FREM1: variants seen among roughly 807,000 people sequenced by gnomAD.
The protein encoded by FREM1 is FRAS1 related extracellular matrix 1.
FREM1 carries 220 observed loss-of-function variants against 210.1 expected under a neutral mutation model. The observed-to-expected ratio is 1.05, with a 90% confidence interval of 0.94 to 1.17. FREM1 has a LOEUF of 1.17. Among genes scored for constraint, FREM1 ranks in the 50% most tolerant of loss-of-function variants. The pLI, the probability that FREM1 is intolerant of heterozygous loss-of-function variation, is 0.00. For missense variants in FREM1, 3,454 were observed against 2,675.5 expected (o/e 1.29, Z -6.42); for synonymous variants, 1,189 against 980.2 (o/e 1.21, Z -3.98).
intron 36 of FREM1, among the ~76,000 whole-genome samples, chr9:14,739,482 T>TATATATATAAAATTC (rs1841094364): frequency 9.0e-6 from 1 of 111,200 alleles, no homozygotes; most frequent in African/African-American, 3.2e-5. Context: ...ATATAATTCA[T>TATATATATAAAATTC]ATATATATAT....
intron 15 of FREM1, among the ~76,000 whole-genome samples, chr9:14,816,070 C>G (rs374367620): frequency 6.6e-6 from 1 of 152,160 alleles, no homozygotes; most frequent in Non-Finnish European, 1.5e-5. Flanking sequence ...ATATACATGG[C>G]TTTATCTGTA....
intron 1 of FREM1, among the ~76,000 whole-genome samples, chr9:14,891,820 G>C (rs1254770306): frequency 6.6e-6 from 1 of 152,162 alleles, no homozygotes; most frequent in African/African-American, 2.4e-5. Flanking sequence ...CAGAAGCAAG[G>C]AGTTTTTGTG....
At chr9:14,816,480 A>C (rs11792010) in intron 15 of FREM1, among the ~76,000 whole-genome samples, 5 of 151,858 alleles carry the variant, frequency 3.3e-5, no homozygotes, top group Non-Finnish European at 7.4e-5. Flanking sequence ...CAGTGTTGGG[A>C]GGTGGGAGGT....
At chr9:14,795,785 A>G (rs1194909583) in intron 21 of FREM1, among the ~76,000 whole-genome samples, 4 of 152,190 alleles carry the variant, frequency 2.6e-5, no homozygotes, top group Admixed American at 6.5e-5. Flanking sequence ...TGAGGATTTA[A>G]TGAAATAATA....
At chr9:14,743,332 T>A (rs1404185453) in intron 35 of FREM1, among the ~76,000 whole-genome samples, 1 of 152,020 alleles carries the variant, frequency 6.6e-6, no homozygotes, top group African/African-American at 2.4e-5. Context: ...TATTAATAGA[T>A]GGAACAATAA....
At chr9:14,784,774 T>A (rs1014278364) in intron 23 of FREM1, 140 bp from the exon 24 acceptor site, 6 of 491,492 alleles carry the variant, frequency 1.2e-5, no homozygotes, top group African/African-American at 1.2e-4. Flanking sequence ...CTATTATGAA[T>A]AAAAATAATT....
intron 1 of FREM1, among the ~76,000 whole-genome samples, chr9:14,903,024 C>T (rs1287499989): frequency 6.6e-6 from 1 of 152,218 alleles, no homozygotes; most frequent in Non-Finnish European, 1.5e-5. Context: ...AACTCCTATT[C>T]TTCTCTCACT....
intron 15 of FREM1, among the ~76,000 whole-genome samples, chr9:14,814,441 T>A (rs1380070957): frequency 6.6e-6 from 1 of 152,196 alleles, no homozygotes; most frequent in Non-Finnish European, 1.5e-5. Flanking sequence ...ACTATGTATA[T>A]GTGTCCTGAC....
At position 14,861,056 on chromosome 9, in the gene FREM1, TATATACAC is replaced by T. The variant is rs1293670914; in HGVS notation, c.330-1580_330-1573del. Among the ~76,000 whole-genome samples the T allele has an allele frequency of 2.1e-4, 15 of 71,408 alleles. 2 individuals carry two copies. The highest frequency in any genetic ancestry group is 1.1e-3 in the African/African-American group (14 of 12,604). The allele number at this position is 71,408 out of a possible 152,430, so 46.8% of individuals were successfully genotyped here. ...ATATATACATATATACATATATACATATATACACATATACATATATACATATATACACA... is the reference window on the plus strand; with the variant it reads ...ATATATACATATATACATATATACATATATACATATATACATATATACACA... On this transcript the variant is annotated intron_variant, in intron 3 of 36. Transcript: ENST00000380880.
At chr9:14,783,145 A>AT (rs1849891610) in intron 24 of FREM1, among the ~76,000 whole-genome samples, 1 of 152,176 alleles carries the variant, frequency 6.6e-6, no homozygotes, top group Non-Finnish European at 1.5e-5. Context: ...GCTTTCTGGG[A>AT]TTTTTTGTTT....
chr9:14,738,721 G>C (rs188533049), intron 36 of FREM1, among the ~76,000 whole-genome samples: 6 of 152,222 alleles, frequency 3.9e-5, no homozygotes, highest in African/African-American at 1.4e-4. Flanking sequence ...TAAAAGATTT[G>C]TCATTTGGCC....
At chr9:14,830,295 T>C (rs1000843573) in intron 10 of FREM1, among the ~76,000 whole-genome samples, 1 of 152,130 alleles carries the variant, frequency 6.6e-6, no homozygotes. Flanking sequence ...TGTACTGATT[T>C]ATCACTTCAT....
chr9:14,804,577 T>A lies in FREM1; in HGVS notation c.3471+379A>T, dbSNP rs150912263. 2.7e-3 allele frequency among the ~76,000 whole-genome samples: 412 copies of A among 152,166 alleles called. 2 individuals are homozygous for A. Among genetic ancestry groups the A allele is most frequent in the African/African-American group, 9.5e-3 (393 of 41,502 alleles). On this transcript the variant is annotated intron_variant, in intron 19 of 36. Coordinates refer to ENST00000380880, the MANE Select transcript of FREM1 (RefSeq NM_001379081.2). ...TCCAGCCTGGGCGACAGAGCGGGAC[T>A]CCATCTCAAAAAACAAAAAACAAAA...
intron 2 of FREM1, among the ~76,000 whole-genome samples, chr9:14,866,655 A>G (rs1174225651): frequency 6.6e-6 from 1 of 152,146 alleles, no homozygotes; most frequent in East Asian, 1.9e-4. Flanking sequence ...CTTTTTCACA[A>G]TATACTCAGG....
chr9:14,879,352 C>T (rs1409291947), intron 1 of FREM1, among the ~76,000 whole-genome samples: 1 of 152,076 alleles, frequency 6.6e-6, no homozygotes, highest in Admixed American at 6.6e-5. Flanking sequence ...AAATGCCACA[C>T]CATGAGACTT....
chr9:14,763,262 G>A (rs760385316), intron 27 of FREM1, among the ~76,000 whole-genome samples: 38 of 152,212 alleles, frequency 2.5e-4, no homozygotes, highest in African/African-American at 6.5e-4. Context: ...TGTCCTCCTC[G>A]CATTAGATGT....
intron 12 of FREM1, 69 bp downstream of exon 12, chr9:14,823,956 C>T: frequency 1.2e-6 from 1 of 857,456 alleles, no homozygotes; most frequent in Non-Finnish European, 1.8e-6. Flanking sequence ...AGGCACAATA[C>T]TAGGCATGCC....
At chr9:14,899,417 T>C (rs1838371034) in intron 1 of FREM1, among the ~76,000 whole-genome samples, 1 of 152,026 alleles carries the variant, frequency 6.6e-6, no homozygotes, top group Non-Finnish European at 1.5e-5. Context: ...GGTGGGAGGG[T>C]GTTCTCAGGC....
chr9:14,741,189 T>C (rs1257447442), intron 35 of FREM1, among the ~76,000 whole-genome samples: 1 of 152,144 alleles, frequency 6.6e-6, no homozygotes, highest in African/African-American at 2.4e-5. Flanking sequence ...TAATATCCAT[T>C]GATATGAAAA....
Sources: allele counts gnomAD v4.1 joint callset (sites outside exome capture counted in the v4.1 genomes callset), GRCh38; gene constraint gnomAD v4.1.1; transcripts MANE v1.5; gene names NCBI Gene and HGNC (gene_info 2026-07-23, HGNC 2026-07-21).